The following HSD17B12 variants were observed in gnomAD, a reference collection of about 807,000 sequenced individuals.
HSD17B12 encodes hydroxysteroid 17-beta dehydrogenase 12, also known as very-long-chain 3-oxoacyl-CoA reductase.
A neutral mutation model predicts 39.3 loss-of-function variants in HSD17B12; 32 were observed. The observed-to-expected ratio is 0.81, with a 90% CI of 0.61 to 1.09. The LOEUF (loss-of-function observed/expected upper bound fraction) is 1.09. Among genes scored for constraint, HSD17B12 ranks in the 50% least tolerant of loss-of-function variants. The pLI is 0.00. For missense variants in HSD17B12, 342 were observed against 382.9 expected (o/e 0.89, Z 0.89); for synonymous variants, 150 against 146.7 (o/e 1.02, Z -0.16).
rs894748931 is a variant in HSD17B12, at chr11:43,743,967, C to T, written c.161-6944C>T. On this transcript the variant is annotated intron_variant, in intron 1 of 10. Coordinates refer to ENST00000278353, the MANE Select transcript of HSD17B12 (RefSeq NM_016142.3). ...AATAAGAACAAGATGCTGTTAAAAG[C>T]GAGAAGGAGAGTGAGAGTGTGCAAA... Among the ~76,000 whole-genome samples the T allele has an allele frequency of 3.9e-5, 6 of 152,040 alleles. No individual in the cohort carries two copies. The East Asian group carries it at 7.7e-4, about 20-fold the overall frequency.
intron 1 of HSD17B12, among the ~76,000 whole-genome samples, chr11:43,696,485 A>T (rs1949912695): frequency 2.0e-5 from 3 of 152,260 alleles, no homozygotes; most frequent in Admixed American, 2.0e-4. Context: ...CATGCCAGCC[A>T]GAATGGCGAT....
At chr11:43,830,410 A>G (rs1348358902) in intron 6 of HSD17B12, 2 of 152,188 alleles carry the variant, frequency 1.3e-5, no homozygotes, top group Non-Finnish European at 2.9e-5. Flanking sequence ...TCACCTTTTC[A>G]TGTTGGTTAC....
the HSD17B12 span, among the ~76,000 whole-genome samples, chr11:43,614,583 T>C: frequency 6.6e-6 from 1 of 152,182 alleles, no homozygotes. Flanking sequence ...ATCTTTTTCA[T>C]AAAATGTAGG....
chr11:43,747,034 T>G (rs1179208140), intron 1 of HSD17B12, among the ~76,000 whole-genome samples: 1 of 152,200 alleles, frequency 6.6e-6, no homozygotes, highest in Non-Finnish European at 1.5e-5. Context: ...GGTGTTAGTG[T>G]AGGAAAGTGT....
At chr11:43,647,352 T>C in the HSD17B12 span, among the ~76,000 whole-genome samples, 1 of 152,060 alleles carries the variant, frequency 6.6e-6, no homozygotes, top group Admixed American at 6.6e-5. Flanking sequence ...CATAGCTTAC[T>C]ATAACCTCAA....
chr11:43,580,791 A>AT, the HSD17B12 span, among the ~76,000 whole-genome samples: 5 of 151,454 alleles, frequency 3.3e-5, no homozygotes, highest in African/African-American at 7.3e-5. Context: ...AAATGGAAAT[A>AT]TTTTTTTCTC....
rs552511195 is a variant in HSD17B12, at chr11:43,702,519, G to C, written c.160+21532G>C. On this transcript the variant is annotated intron_variant, in intron 1 of 10. Coordinates refer to ENST00000278353, the MANE Select transcript of HSD17B12 (RefSeq NM_016142.3). The stretch of plus-strand genomic sequence containing the variant: ...TTTTTTGAAGGTTTTTGTCATGAAG[G>C]GATATTTAATTTTATCAAATGCTTT... 3.2e-4 allele frequency among the ~76,000 whole-genome samples: 48 copies of C among 152,092 alleles called. 1 individual carries two copies. The South Asian group carries it at 9.4e-3, about 30-fold the overall frequency.
chr11:43,811,367 T>G (rs969986921), intron 4 of HSD17B12, among the ~76,000 whole-genome samples: 1 of 152,152 alleles, frequency 6.6e-6, no homozygotes, highest in African/African-American at 2.4e-5. Flanking sequence ...CAGGAGGGAA[T>G]GTAGGAGTCC....
chr11:43,561,097 G>T, the HSD17B12 span, among the ~76,000 whole-genome samples: 1 of 152,182 alleles, frequency 6.6e-6, no homozygotes, highest in Non-Finnish European at 1.5e-5. Flanking sequence ...AAGCCTTGCA[G>T]ATGAAGCATG....
chr11:43,604,347 A>C, the HSD17B12 span, among the ~76,000 whole-genome samples: 1 of 152,192 alleles, frequency 6.6e-6, no homozygotes, highest in Non-Finnish European at 1.5e-5. Flanking sequence ...TCTTTATTTT[A>C]TAAAGGAGGA....
intron 3 of HSD17B12, among the ~76,000 whole-genome samples, chr11:43,761,187 T>C (rs546850141): frequency 6.6e-6 from 1 of 152,352 alleles, no homozygotes; most frequent in East Asian, 1.9e-4. Context: ...AATTTACCAT[T>C]AAATGAAACA....
the HSD17B12 span, among the ~76,000 whole-genome samples, chr11:43,605,561 CA>C: frequency 7.6e-3 from 567 of 74,598 alleles, 1 homozygote; most frequent in East Asian, 0.011. Context: ...AACTCCATCT[CA>C]AAAAAAAAAA....
At position 43,831,094 on chromosome 11, in the gene HSD17B12, C is replaced by G; in HGVS notation, c.536+84C>G. ...GAGAATCCTTGCTTTGAAAAAATCACTGAAGTGACTAATGAACCAAGCCTC... is the reference window on the plus strand; with the variant it reads ...GAGAATCCTTGCTTTGAAAAAATCAGTGAAGTGACTAATGAACCAAGCCTC... On this transcript the variant is annotated intron_variant, in intron 7 of 10. Transcript: ENST00000278353. This position sits in a 1 kb window ranked among gnomAD's most constrained non-coding sequence, Gnocchi z 4.1. 7.9e-7 allele frequency: 1 copy of G among 1,267,796 alleles called. No homozygotes were observed. Among genetic ancestry groups the G allele is most frequent in the Non-Finnish European group, 1.1e-6 (1 of 893,470 alleles). The allele number at this position is 1,267,796 out of a possible 1,614,324, so 78.5% of individuals were successfully genotyped here.
intron 1 of HSD17B12, among the ~76,000 whole-genome samples, chr11:43,700,021 A>G (rs1949948945): frequency 6.6e-6 from 1 of 152,084 alleles, no homozygotes; most frequent in African/African-American, 2.4e-5. Flanking sequence ...CTAGAGCAGA[A>G]CTCAAGTTTC....
chr11:43,792,682 C>CTTT (rs60140879), intron 3 of HSD17B12, among the ~76,000 whole-genome samples: 10,645 of 101,152 alleles, frequency 0.11, 924 homozygotes, highest in Middle Eastern at 0.13. Flanking sequence ...TCAATGTAAC[C>CTTT]TTTTTTTTTT....
At chr11:43,810,367 T>TTTTATATATA (rs1181869252) in intron 4 of HSD17B12, among the ~76,000 whole-genome samples, 2 of 59,696 alleles carry the variant, frequency 3.4e-5, no homozygotes, top group Admixed American at 1.4e-4. Flanking sequence ...AATTTAGAAA[T>TTTTATATATA]TATATATATA....
intron 1 of HSD17B12, among the ~76,000 whole-genome samples, chr11:43,688,422 T>A (rs1194212636): frequency 6.6e-6 from 1 of 152,158 alleles, no homozygotes; most frequent in South Asian, 2.1e-4. Context: ...TGCGTTGTCA[T>A]GGTAACTCCA....
At chr11:43,615,028 A>T in the HSD17B12 span, among the ~76,000 whole-genome samples, 2 of 151,930 alleles carry the variant, frequency 1.3e-5, no homozygotes, top group South Asian at 2.1e-4. Flanking sequence ...TTTTTTCATC[A>T]TGCACTAGAC....
At chr11:43,696,723 T>C (rs1949915021) in intron 1 of HSD17B12, among the ~76,000 whole-genome samples, 1 of 152,196 alleles carries the variant, frequency 6.6e-6, no homozygotes, top group Non-Finnish European at 1.5e-5. Context: ...ATATGTTGAA[T>C]GCAGCACTAT....
Sources: gnomAD v4.1 joint callset for allele counts (sites outside exome capture counted in the v4.1 genomes callset) on GRCh38, gnomAD v4.1.1 for gene constraint, Gnocchi (gnomAD v3.1) non-coding constraint, MANE v1.5 for transcripts, NCBI Gene and HGNC (gene_info 2026-07-23, HGNC 2026-07-21) for gene names.